CSGALNACT1: variants seen among roughly 807,000 people sequenced by gnomAD.
CSGALNACT1 encodes beta4GalNAcT-1.
In CSGALNACT1, 52 loss-of-function variants were observed where a neutral mutation model predicts 51.0. The ratio of observed to expected loss-of-function variants is 1.02; its 90% CI spans 0.82 to 1.29. The LOEUF (loss-of-function observed/expected upper bound fraction) is 1.29. Among genes scored for constraint, CSGALNACT1 ranks in the 50% most tolerant of loss-of-function variants. CSGALNACT1 has a pLI of 0.00. For missense variants in CSGALNACT1, 935 were observed against 679.2 expected (o/e 1.38, Z -4.19); for synonymous variants, 341 against 254.4 (o/e 1.34, Z -3.24).
intron 2 of CSGALNACT1, among the ~76,000 whole-genome samples, chr8:19,591,821 T>G (rs1410594242): frequency 6.6e-6 from 1 of 152,090 alleles, no homozygotes; most frequent in African/African-American, 2.4e-5. Flanking sequence ...TCTTATTAGT[T>G]TTAGGGAGAA....
chr8:19,727,376 C>G, intron 1 of CSGALNACT1, among the ~76,000 whole-genome samples: 1 of 151,680 alleles, frequency 6.6e-6, no homozygotes, highest in South Asian at 2.1e-4. Flanking sequence ...TAGACAGGGT[C>G]TGGCTCTATC....
chr8:19,433,497 A>G (rs1421405617), intron 6 of CSGALNACT1, among the ~76,000 whole-genome samples: 2 of 152,128 alleles, frequency 1.3e-5, no homozygotes, highest in East Asian at 3.9e-4. Context: ...GTTTGCCCCA[A>G]CTCTTAACCA....
intron 1 of CSGALNACT1, among the ~76,000 whole-genome samples, chr8:19,727,288 T>C (rs2063452435): frequency 6.6e-6 from 1 of 152,052 alleles, no homozygotes; most frequent in South Asian, 2.1e-4. Context: ...GTTGACAGGC[T>C]GCACCTAGTA....
At chr8:19,545,352 T>A (rs889619490) in intron 3 of CSGALNACT1, among the ~76,000 whole-genome samples, 3 of 152,176 alleles carry the variant, frequency 2.0e-5, no homozygotes, top group African/African-American at 7.2e-5. Flanking sequence ...AACATTTAAA[T>A]TCATAGATAA....
At chr8:19,535,416 T>C (rs1268999493) in intron 3 of CSGALNACT1, among the ~76,000 whole-genome samples, 2 of 152,188 alleles carry the variant, frequency 1.3e-5, no homozygotes, top group Non-Finnish European at 2.9e-5. Context: ...TAAAAGTTGA[T>C]GACTATTTTA....
At chr8:19,523,087 T>G (rs569585997) in intron 3 of CSGALNACT1, among the ~76,000 whole-genome samples, 1 of 152,250 alleles carries the variant, frequency 6.6e-6, no homozygotes, top group South Asian at 2.1e-4. Flanking sequence ...ACCACTGCAT[T>G]GCAAAAATCT....
chr8:19,757,813 T>C lies in CSGALNACT1; in HGVS notation c.-297+37A>G, dbSNP rs893289373. The C allele has an allele frequency of 6.6e-6, 1 of 152,226 alleles. No individual in the cohort carries two copies. The highest frequency in any genetic ancestry group is 1.5e-5 in the Non-Finnish European group (1 of 68,098). 9.4% of individuals were successfully genotyped at this position (152,226 alleles called of 1,614,324 possible). A position where few individuals can be genotyped will look rare whatever the true frequency, so the allele number is the denominator to read the frequency against. On this transcript the variant is annotated intron_variant, in intron 1 of 1. Transcript: ENST00000517494. This position sits in a 1 kb window ranked among gnomAD's most constrained non-coding sequence, Gnocchi z 4.0. ...TTAGTCGCGGTCTCTGCTGCCCTGG[T>C]CAGCTATAACGCCTCCCCTAGAGAG...
chr8:19,588,743 G>T (rs796517908), intron 3 of CSGALNACT1, among the ~76,000 whole-genome samples: 2 of 152,176 alleles, frequency 1.3e-5, no homozygotes, highest in Non-Finnish European at 2.9e-5. Context: ...AATTATTCCA[G>T]CTGCTCTGTG....
chr8:19,458,661 G>A lies in CSGALNACT1; in HGVS notation c.635-19C>T, dbSNP rs2064680267. 2 of 1,610,998 alleles carry A rather than the reference G, an allele frequency of 1.2e-6. No individual in the cohort carries two copies. Among genetic ancestry groups the A allele is most frequent in the African/African-American group, 1.3e-5 (1 of 74,950 alleles). ...TAGATCCCTGTTAAGAGAAAAACAA[G>A]GAAAGATAGTTCTAAAAATTAACCT... is the stretch of plus-strand genomic sequence containing the variant. On this transcript the variant is annotated intron_variant, in intron 4 of 9. Transcript: ENST00000454498.
At chr8:19,450,224 AG>A (rs2062907549) in intron 5 of CSGALNACT1, among the ~76,000 whole-genome samples, 1 of 59,574 alleles carries the variant, frequency 1.7e-5, no homozygotes, top group African/African-American at 7.0e-5. Flanking sequence ...AGGAAGAGGG[AG>A]GGGGAGGGGG....
chr8:19,517,028 G>C (rs1384335025), intron 3 of CSGALNACT1, among the ~76,000 whole-genome samples: 1 of 152,184 alleles, frequency 6.6e-6, no homozygotes, highest in Non-Finnish European at 1.5e-5. Flanking sequence ...CCTCAAACCT[G>C]ATATGTGGGT....
At position 19,620,257 on chromosome 8, in the gene CSGALNACT1, G is replaced by A. The variant is rs146769435; in HGVS notation, c.-543-18392C>T. On this transcript the variant is annotated intron_variant, in intron 1 of 9. Coordinates refer to the CSGALNACT1 transcript ENST00000332246. ...TTGAACCCGAGAGGCAGAGGTTGCA[G>A]TTAGCCAAGATTGCACCACTGCACT... Among the ~76,000 whole-genome samples, 686 of 142,172 alleles carry A rather than the reference G, an allele frequency of 4.8e-3. 4 individuals carry two copies. The highest frequency in any genetic ancestry group is 0.017 in the African/African-American group (641 of 38,668). 93.3% of individuals were successfully genotyped at this position (142,172 alleles called of 152,430 possible).
chr8:19,509,715 A>C (rs1017723501), intron 3 of CSGALNACT1, among the ~76,000 whole-genome samples: 6 of 151,942 alleles, frequency 3.9e-5, no homozygotes, highest in Admixed American at 3.3e-4. Flanking sequence ...GGACCAATAC[A>C]TACCTAAGCC....
intron 1 of CSGALNACT1, among the ~76,000 whole-genome samples, chr8:19,619,224 G>A (rs1379311428): frequency 1.5e-5 from 2 of 131,094 alleles, no homozygotes; most frequent in African/African-American, 2.8e-5. Context: ...ATGGGAGACA[G>A]GAAAAGAGCA....
At chr8:19,418,853 C>CA (rs2057386570) in intron 7 of CSGALNACT1, 103 bp from the exon 7 acceptor site, 4 of 773,222 alleles carry the variant, frequency 5.2e-6, no homozygotes, top group Non-Finnish European at 9.0e-6. Flanking sequence ...TTTGCACCCA[C>CA]TTTTTTTTTC....
intron 3 of CSGALNACT1, among the ~76,000 whole-genome samples, chr8:19,580,434 G>C (rs532782872): frequency 2.0e-5 from 3 of 152,318 alleles, no homozygotes; most frequent in Admixed American, 1.3e-4. Context: ...GCTTTCTGCT[G>C]AGACTCTCAA....
At chr8:19,594,188 G>C (rs2048411784) in intron 2 of CSGALNACT1, among the ~76,000 whole-genome samples, 1 of 152,148 alleles carries the variant, frequency 6.6e-6, no homozygotes, top group African/African-American at 2.4e-5. Flanking sequence ...TGGACTGCTA[G>C]AGAACATCAG....
intron 1 of CSGALNACT1, among the ~76,000 whole-genome samples, chr8:19,648,025 A>G (rs115083389): frequency 3.6e-4 from 55 of 152,306 alleles, no homozygotes; most frequent in African/African-American, 1.3e-3. Context: ...AAGTAAATAC[A>G]TTGTTGCTCA....
At chr8:19,748,240 T>A (rs1295634925) in intron 1 of CSGALNACT1, among the ~76,000 whole-genome samples, 8 of 152,174 alleles carry the variant, frequency 5.3e-5, no homozygotes, top group Admixed American at 4.6e-4. Context: ...CCAGGGGACA[T>A]TAGGAATTCA....
Sources: allele counts gnomAD v4.1 joint callset (sites outside exome capture counted in the v4.1 genomes callset), GRCh38; gene constraint gnomAD v4.1.1; non-coding constraint Gnocchi (gnomAD v3.1); transcripts MANE v1.5; gene names NCBI Gene and HGNC (gene_info 2026-07-23, HGNC 2026-07-21).